Variants in ASAP2 observed in about 807,000 individuals in gnomAD.
ASAP2 encodes arf-GAP with SH3 domain, ANK repeat and PH domain-containing protein 2.
Under a neutral mutation model 131.4 loss-of-function variants are expected in ASAP2, and 45 were observed. The observed-to-expected ratio is 0.34, with a 90% confidence interval of 0.27 to 0.44. The LOEUF (loss-of-function observed/expected upper bound fraction) is 0.44. ASAP2 is among the 20% of genes least tolerant of loss of function. The pLI, the probability that ASAP2 is intolerant of heterozygous loss-of-function variation, is 1.00. For missense variants in ASAP2, 1,011 were observed against 1,297.0 expected (o/e 0.78, Z 3.39); for synonymous variants, 510 against 503.0 (o/e 1.01, Z -0.19).
At chr2:9,296,318 C>T (rs1358707232) in intron 2 of ASAP2, among the ~76,000 whole-genome samples, 1 of 152,216 alleles carries the variant, frequency 6.6e-6, no homozygotes, top group East Asian at 1.9e-4. Flanking sequence ...CCAGAATCAC[C>T]TGTGTCCCCT....
At chr2:9,208,749 T>C (rs1024128511) in intron 1 of ASAP2, among the ~76,000 whole-genome samples, 4 of 152,250 alleles carry the variant, frequency 2.6e-5, no homozygotes, top group African/African-American at 9.6e-5. Context: ...AATTTTTTCC[T>C]AAGTGCCAGT....
intron 1 of ASAP2, among the ~76,000 whole-genome samples, chr2:9,270,587 C>A (rs923663846): frequency 7.9e-5 from 12 of 151,822 alleles, no homozygotes; most frequent in Admixed American, 2.0e-4. Context: ...CTCAATTATA[C>A]TCTCTTAGTT....
chr2:9,369,382 A>T (rs1035721550), intron 16 of ASAP2, among the ~76,000 whole-genome samples: 1 of 152,174 alleles, frequency 6.6e-6, no homozygotes, highest in African/African-American at 2.4e-5. Flanking sequence ...TGCCCATCTT[A>T]TCAGAGTGTC....
intron 1 of ASAP2, among the ~76,000 whole-genome samples, chr2:9,209,001 C>T (rs575763720): frequency 3.5e-5 from 3 of 85,728 alleles, no homozygotes; most frequent in Non-Finnish European, 8.6e-5. Context: ...AATTGGCATA[C>T]CTTTCTCTGA....
At chr2:9,274,098 T>C (rs1239718138) in intron 1 of ASAP2, among the ~76,000 whole-genome samples, 2 of 152,178 alleles carry the variant, frequency 1.3e-5, no homozygotes, top group African/African-American at 4.8e-5. Context: ...TTATCTCAGT[T>C]ATAATTTTTG....
At chr2:9,258,312 A>G (rs951395908) in intron 1 of ASAP2, among the ~76,000 whole-genome samples, 2 of 149,106 alleles carry the variant, frequency 1.3e-5, no homozygotes, top group Non-Finnish European at 3.0e-5. Context: ...TGCTATTCAC[A>G]GTATTGATAG....
intron 11 of ASAP2, among the ~76,000 whole-genome samples, chr2:9,348,784 G>A (rs187272161): frequency 1.0e-3 from 152 of 152,256 alleles, no homozygotes; most frequent in Admixed American, 6.0e-3. Flanking sequence ...ACCTTTCCCC[G>A]TATCACAGGG....
intron 1 of ASAP2, among the ~76,000 whole-genome samples, chr2:9,270,862 G>A (rs373682144): frequency 9.2e-5 from 13 of 142,004 alleles, no homozygotes; most frequent in East Asian, 8.1e-4. Context: ...GCGCGATCTC[G>A]GCTCACTGCA....
Position 9,356,323 on chromosome 2 carries a change from C to T in ASAP2, c.1305C>T (p.Val435=). ...SEVQRMTGND[V]CCDCGAPDPT... ...TGCAGAGGATGACGGGCAATGACGT[C>T]TGCTGTGACTGTGGGGCGCCAGGTG... The change falls in exon 14 of 28, where the codon GTC becomes GTT. Residue 435 remains valine (V), a synonymous_variant. Transcript: ENST00000281419. 1 of 1,602,882 alleles carries T rather than the reference C, an allele frequency of 6.2e-7. No homozygotes were observed. Among genetic ancestry groups the T allele is most frequent in the Non-Finnish European group, 8.5e-7 (1 of 1,174,418 alleles).
At chr2:9,300,839 G>T (rs772457551) in intron 3 of ASAP2, among the ~76,000 whole-genome samples, 6 of 152,194 alleles carry the variant, frequency 3.9e-5, no homozygotes, top group Non-Finnish European at 7.3e-5. Flanking sequence ...GATCATAAGG[G>T]TTCAAGTTTC....
At chr2:9,361,068 A>AT (rs1252949582) in intron 15 of ASAP2, among the ~76,000 whole-genome samples, 5 of 152,168 alleles carry the variant, frequency 3.3e-5, no homozygotes, top group Non-Finnish European at 7.3e-5. Flanking sequence ...GCCTGGTTAA[A>AT]TTCTCCATTT....
intron 1 of ASAP2, among the ~76,000 whole-genome samples, chr2:9,254,162 C>T (rs1449721104): frequency 2.4e-5 from 3 of 124,858 alleles, no homozygotes; most frequent in African/African-American, 9.1e-5. Flanking sequence ...GCAGAGATTG[C>T]ACCACTGCAC....
intron 1 of ASAP2, among the ~76,000 whole-genome samples, chr2:9,215,130 T>A (rs999300195): frequency 6.6e-6 from 1 of 152,216 alleles, no homozygotes; most frequent in Non-Finnish European, 1.5e-5. Context: ...CTGCAAACCT[T>A]ACAGCATGCC....
chr2:9,295,934 G>T (rs959575443), intron 2 of ASAP2, among the ~76,000 whole-genome samples: 3 of 152,234 alleles, frequency 2.0e-5, no homozygotes, highest in Non-Finnish European at 4.4e-5. Flanking sequence ...GTCCAGGACT[G>T]CCCTCCAGGA....
In ASAP2 at chr2:9,352,212, A is replaced by AACACACAC. The variant is rs58275721; in HGVS notation, c.1111+1345_1111+1352dup. ...ACCCTAACTCTTTAAAACACACACAAACACACACACACACACACACACACA... is the reference window on the plus strand; with the variant it reads ...ACCCTAACTCTTTAAAACACACACAAACACACACACACACACACACACACACACACACA... On this transcript the variant is annotated intron_variant, in intron 12 of 27. Coordinates refer to ENST00000281419, the MANE Select transcript of ASAP2 (RefSeq NM_003887.3). 3.0e-3 allele frequency among the ~76,000 whole-genome samples: 449 copies of AACACACAC among 150,070 alleles called. 1 individual carries two copies. Among genetic ancestry groups the AACACACAC allele is most frequent in the African/African-American group, 9.6e-3 (388 of 40,572 alleles).
chr2:9,322,021 C>T (rs956840594), intron 5 of ASAP2, among the ~76,000 whole-genome samples: 6 of 152,164 alleles, frequency 3.9e-5, no homozygotes, highest in African/African-American at 1.4e-4. Context: ...AGAGAAATGA[C>T]CAGTGTCTGG....
chr2:9,234,137 A>AGG (rs1663372154), intron 1 of ASAP2, among the ~76,000 whole-genome samples: 1 of 144,974 alleles, frequency 6.9e-6, no homozygotes, highest in Non-Finnish European at 1.5e-5. Flanking sequence ...AAAAAGGAAG[A>AGG]GGGGAGTGGT....
intron 1 of ASAP2, chr2:9,271,420 C>A: frequency 1.4e-6 from 2 of 1,435,014 alleles, no homozygotes; most frequent in East Asian, 2.3e-5. Flanking sequence ...AATTACAGTA[C>A]CATTGCAGGC....
intron 5 of ASAP2, 26 bp downstream of exon 5, chr2:9,320,363 C>T (rs750969907): frequency 5.7e-6 from 9 of 1,585,578 alleles, no homozygotes; most frequent in Admixed American, 5.2e-5. Flanking sequence ...TTTAAATTTA[C>T]GTATAGGTAA....
Sources: allele counts gnomAD v4.1 joint callset (sites outside exome capture counted in the v4.1 genomes callset), GRCh38; gene constraint gnomAD v4.1.1; transcripts MANE v1.5; gene names NCBI Gene and HGNC (gene_info 2026-07-23, HGNC 2026-07-21).